The following ZIC4 variants were observed in gnomAD, a reference collection of about 807,000 sequenced individuals.
ZIC4 encodes the protein zinc finger protein ZIC 4.
Under a neutral mutation model 28.8 loss-of-function variants are expected in ZIC4, and 15 were observed. That is an observed-to-expected ratio of 0.52 (90% CI 0.35 to 0.80). ZIC4 has a LOEUF of 0.80. Among genes scored for constraint, ZIC4 ranks in the 30% least tolerant of loss-of-function variants. ZIC4 has a pLI of 0.01. For missense variants in ZIC4, 512 were observed against 467.1 expected, an observed-to-expected ratio of 1.10 and a Z score of -0.89; for synonymous variants, 220 against 198.1, an observed-to-expected ratio of 1.11 and a Z score of -0.93.
At chr3:147,400,926 A>G (rs1033461583) in intron 2 of ZIC4, among the ~76,000 whole-genome samples, 1 of 152,152 alleles carries the variant, frequency 6.6e-6, no homozygotes, top group Non-Finnish European at 1.5e-5. Flanking sequence ...GAAACATTCT[A>G]TTCCTACCCA....
chr3:147,391,194 G>A lies in ZIC4; in HGVS notation c.741C>T (p.Asn247=). The A allele has an allele frequency of 6.2e-7, 1 of 1,607,984 alleles. No individual in the cohort carries two copies. Among genetic ancestry groups the A allele is most frequent in the Admixed American group, 1.7e-5 (1 of 59,862 alleles). Residue 247 remains asparagine, a synonymous_variant, in exon 4 of 5, where the codon AAC becomes AAT. Transcript: ENST00000383075. ...GCGAATGCTTCTTACGGTCGCTGCT[G>A]TTGGCGAAGCGCCGCTCGCAGCCCT... The part of the protein sequence containing the change: ...EFEGCERRFA[N]SSDRKKHSHV...
chr3:147,401,495 A>G (rs1432681929), intron 2 of ZIC4, among the ~76,000 whole-genome samples: 1 of 152,218 alleles, frequency 6.6e-6, no homozygotes, highest in Non-Finnish European at 1.5e-5. Context: ...TCTGCACTAA[A>G]TCAATAGTCA....
chr3:147,395,731 G>A, intron 3 of ZIC4, 121 bp downstream of exon 3: 1 of 1,436,730 alleles, frequency 7.0e-7, no homozygotes, highest in Non-Finnish European at 9.4e-7. Context: ...TTATGGCCTT[G>A]GCTCATGGAA....
intron 2 of ZIC4, among the ~76,000 whole-genome samples, chr3:147,398,652 G>T (rs1287919652): frequency 6.6e-6 from 1 of 152,110 alleles, no homozygotes; most frequent in Admixed American, 6.5e-5. Context: ...CAGTCTAAGT[G>T]CTTGGGCTTC....
intron 1 of ZIC4, among the ~76,000 whole-genome samples, chr3:147,404,769 A>G (rs561681841): frequency 2.3e-4 from 35 of 152,182 alleles, no homozygotes; most frequent in Non-Finnish European, 4.4e-4. Flanking sequence ...TGCAAAAAGC[A>G]CCATTTTTAT....
At chr3:147,392,295 A>T (rs891537927) in intron 3 of ZIC4, 28 of 985,664 alleles carry the variant, frequency 2.8e-5, no homozygotes, top group Non-Finnish European at 3.3e-5. Context: ...GAGGGCCACC[A>T]GGCGGCTGGC....
rs1456744361 is a variant in ZIC4 at position 147,396,012 on chromosome 3, C to T, written c.528G>A (p.Glu176=). Residue 176 remains glutamate, a synonymous_variant, in exon 3 of 5, where the codon GAG becomes GAA. Transcript: ENST00000383075. The surrounding 1 kb of genome is among the most constrained non-coding windows in gnomAD (Gnocchi z 4.2). The stretch of plus-strand genomic sequence containing the variant: ...AGGGCTTTCCCTGGCGCGGACACTC[C>T]TCCCAGAAGCAAATGTGGTTGGCCT... The part of the protein sequence containing the change: ...PEQANHICFW[E]ECPRQGKPFK... 1.2e-6 allele frequency: 2 copies of T among 1,614,258 alleles called. No homozygotes were observed. Among genetic ancestry groups the T allele is most frequent in the Admixed American group, 1.7e-5 (1 of 60,030 alleles).
intron 1 of ZIC4, chr3:147,403,892 C>T: frequency 2.8e-6 from 4 of 1,426,336 alleles, no homozygotes; most frequent in South Asian, 1.4e-5. Context: ...TTCCAACTGG[C>T]TTGGCGGCTT....
At chr3:147,392,162 C>G in intron 3 of ZIC4, 1 of 985,568 alleles carries the variant, frequency 1.0e-6, no homozygotes, top group Non-Finnish European at 1.2e-6. Context: ...GAGGGGTTGG[C>G]GCGGTAGGGT....
At chr3:147,404,573 T>C (rs1406459337) in intron 1 of ZIC4, among the ~76,000 whole-genome samples, 2 of 152,148 alleles carry the variant, frequency 1.3e-5, no homozygotes, top group Non-Finnish European at 2.9e-5. Context: ...GAAACTCAGT[T>C]TCGTTTTCCC....
Position 147,396,473 on chromosome 3 carries a change from T to A in ZIC4, c.71-4A>T. 6.6e-7 allele frequency: 1 copy of A among 1,507,794 alleles called. No individual in the cohort carries two copies. Among genetic ancestry groups the A allele is most frequent in the Non-Finnish European group, 8.8e-7 (1 of 1,131,764 alleles). The allele number at this position is 1,507,794 out of a possible 1,614,324, so 93.4% of individuals were successfully genotyped here. ...CCATGGTGTCCAGAGCTGCTACCTGTTGTCGAAACAAATAGCGCGCATGAG... is the reference window on the plus strand; with the variant it reads ...CCATGGTGTCCAGAGCTGCTACCTGATGTCGAAACAAATAGCGCGCATGAG... On this transcript the variant is annotated splice_polypyrimidine_tract_variant and splice_region_variant and intron_variant, in intron 2 of 4. Coordinates refer to ENST00000383075, the MANE Select transcript of ZIC4 (RefSeq NM_032153.6). The surrounding 1 kb of genome is among the most constrained non-coding windows in gnomAD (Gnocchi z 4.2).
In ZIC4 at chr3:147,391,195, T is replaced by C; in HGVS notation, c.740A>G (p.Asn247Ser). ...EFEGCERRFANSSDRKKHSHV... is the reference protein window; with the variant it reads ...EFEGCERRFASSSDRKKHSHV... ...CGAATGCTTCTTACGGTCGCTGCTG[T>C]TGGCGAAGCGCCGCTCGCAGCCCTC... Residue 247 changes from asparagine (N) to serine (S), a missense_variant, in exon 4 of 5, where the codon AAC becomes AGC. Coordinates refer to ENST00000383075, the MANE Select transcript of ZIC4 (RefSeq NM_032153.6). The C allele has an allele frequency of 6.2e-7, 1 of 1,607,814 alleles. No homozygotes were observed. The highest frequency in any genetic ancestry group is 8.5e-7 in the Non-Finnish European group (1 of 1,175,100).
intron 3 of ZIC4, chr3:147,392,430 T>G: frequency 1.0e-6 from 1 of 985,422 alleles, no homozygotes; most frequent in Non-Finnish European, 1.2e-6. Flanking sequence ...CACGGCCAGC[T>G]GAATTCGCTG....
At chr3:147,399,663 ATTTT>A (rs34229132) in intron 2 of ZIC4, among the ~76,000 whole-genome samples, 1 of 128,020 alleles carries the variant, frequency 7.8e-6, no homozygotes. Context: ...AAAAACACGG[ATTTT>A]TTTTTTTTTT....
Position 147,386,143 on chromosome 3 carries a change from A to G in ZIC4, c.*2716T>C, listed in dbSNP as rs2086793790. On this transcript the variant is annotated 3_prime_UTR_variant, in exon 5 of 5. Coordinates refer to ENST00000383075, the MANE Select transcript of ZIC4 (RefSeq NM_032153.6). ...AAAGCCTTTGGAGGGAAAAGGAATC[A>G]CAGATTTAATATCATTTACATTTAT... is the stretch of plus-strand genomic sequence containing the variant. 1 of 152,244 alleles carries G rather than the reference A, an allele frequency of 6.6e-6. No homozygotes were observed. The highest frequency in any genetic ancestry group is 1.5e-5 in the Non-Finnish European group (1 of 68,046). 9.4% of individuals were successfully genotyped at this position (152,244 alleles called of 1,614,324 possible).
intron 3 of ZIC4, chr3:147,391,463 C>T: frequency 1.9e-6 from 1 of 528,932 alleles, no homozygotes. Context: ...CCGCCTTCCT[C>T]CTCTGGGCTC....
chr3:147,403,440 A>G (rs1381401734), intron 1 of ZIC4: 2 of 153,026 alleles, frequency 1.3e-5, no homozygotes, highest in African/African-American at 4.8e-5. Flanking sequence ...TATAATTTTA[A>G]TCGTTTGGTT....
chr3:147,386,071 ATTAT>A lies in ZIC4; in HGVS notation c.*2784_*2787del. 6.6e-6 allele frequency: 1 copy of A among 152,338 alleles called. No individual in the cohort carries two copies. Among genetic ancestry groups the A allele is most frequent in the East Asian group, 1.9e-4 (1 of 5,182 alleles). 9.4% of individuals were successfully genotyped at this position (152,338 alleles called of 1,614,324 possible). ...TTCAAAAGAGGAAGAGAAACATCACATTATTTATTTCCAAAGAAAATAGCCAAAT... is the reference window on the plus strand; with the variant it reads ...TTCAAAAGAGGAAGAGAAACATCACATTATTTCCAAAGAAAATAGCCAAAT... On this transcript the variant is annotated 3_prime_UTR_variant, in exon 5 of 5. Transcript: ENST00000383075.
At chr3:147,406,070 G>C (rs2087270720) in intron 1 of ZIC4, 1 of 159,664 alleles carries the variant, frequency 6.3e-6, no homozygotes, top group Admixed American at 5.8e-5. Flanking sequence ...TCCTGTGCCA[G>C]TGGGAGCCCC....
Sources: allele counts gnomAD v4.1 joint callset (sites outside exome capture counted in the v4.1 genomes callset), GRCh38; gene constraint gnomAD v4.1.1; non-coding constraint Gnocchi (gnomAD v3.1); transcripts MANE v1.5; gene names NCBI Gene and HGNC (gene_info 2026-07-23, HGNC 2026-07-21).